TANC1: variants seen among roughly 807,000 people sequenced by gnomAD.
TANC1 encodes the protein tetratricopeptide repeat, ankyrin repeat and coiled-coil containing 1.
In TANC1, 77 loss-of-function variants were observed where a neutral mutation model predicts 149.7. That is an observed-to-expected ratio of 0.51 (90% CI 0.43 to 0.62). TANC1 has a LOEUF of 0.62. Ranked by LOEUF, TANC1 falls within the 20% of genes least tolerant of loss-of-function variation. The pLI, the probability that TANC1 is intolerant of heterozygous loss-of-function variation, is 0.00. For missense variants in TANC1, 1,985 were observed against 2,321.8 expected (o/e 0.85, Z 2.98); for synonymous variants, 854 against 925.0 (o/e 0.92, Z 1.39).
intron 5 of TANC1, among the ~76,000 whole-genome samples, chr2:159,144,593 C>T (rs1389231792): frequency 6.6e-6 from 1 of 152,042 alleles, no homozygotes; most frequent in Non-Finnish European, 1.5e-5. Flanking sequence ...GGCCAGGCTG[C>T]TCTCGAACTC....
At chr2:159,128,413 A>G (rs1232358740) in intron 4 of TANC1, among the ~76,000 whole-genome samples, 1 of 152,198 alleles carries the variant, frequency 6.6e-6, no homozygotes, top group African/African-American at 2.4e-5. Context: ...AGCTGTCAGC[A>G]GTTTAGTTAC....
At chr2:159,002,570 C>G (rs1343717284) in intron 2 of TANC1, among the ~76,000 whole-genome samples, 2 of 152,118 alleles carry the variant, frequency 1.3e-5, no homozygotes, top group Admixed American at 6.6e-5. Flanking sequence ...GAGGTTGTAA[C>G]CTGTAACTTC....
chr2:159,216,524 A>G (rs4665041), intron 19 of TANC1, among the ~76,000 whole-genome samples: 41,676 of 152,036 alleles, frequency 0.27, 7,111 homozygotes, highest in Admixed American at 0.47. Flanking sequence ...TCTCTAGACA[A>G]TGATTCTTGC....
chr2:159,217,355 C>A, intron 19 of TANC1, 142 bp from the exon 20 acceptor site: 1 of 1,040,982 alleles, frequency 9.6e-7, no homozygotes, highest in Non-Finnish European at 1.4e-6. Context: ...TTGGTCAAAG[C>A]TGTCACAGAG....
At chr2:158,988,770 C>T (rs896612149) in intron 1 of TANC1, among the ~76,000 whole-genome samples, 20 of 152,144 alleles carry the variant, frequency 1.3e-4, no homozygotes, top group African/African-American at 3.6e-4. Context: ...ATTCTTTCTT[C>T]CTACCTCATG....
intron 13 of TANC1, 130 bp downstream of exon 13, chr2:159,176,648 C>A: frequency 1.3e-6 from 1 of 753,190 alleles, no homozygotes; most frequent in Non-Finnish European, 2.1e-6. Flanking sequence ...ATTTGAAAAA[C>A]TAGTCCAGAG....
At chr2:159,129,404 A>G (rs1457396426) in intron 4 of TANC1, among the ~76,000 whole-genome samples, 2 of 152,108 alleles carry the variant, frequency 1.3e-5, no homozygotes, top group Non-Finnish European at 2.9e-5. Context: ...GGGAAAGTCT[A>G]TTTGGAGATT....
In TANC1 at chr2:159,127,506, G is replaced by A. The variant is rs372553037; in HGVS notation, c.260-8688G>A. On this transcript the variant is annotated intron_variant, in intron 4 of 26. Coordinates refer to ENST00000263635, the MANE Select transcript of TANC1 (RefSeq NM_033394.3). The stretch of plus-strand genomic sequence containing the variant: ...AATCTTTCTGTAAAGACGTGCACAC[G>A]TATGTTTATTGTGGCACTATTCACA... Among the ~76,000 whole-genome samples the A allele has an allele frequency of 3.9e-5, 6 of 152,314 alleles. No homozygotes were observed. The South Asian group carries it at 8.3e-4, about 21-fold the overall frequency.
At chr2:159,195,853 G>T (rs2150711742) in intron 17 of TANC1, among the ~76,000 whole-genome samples, 1 of 152,338 alleles carries the variant, frequency 6.6e-6, no homozygotes, top group East Asian at 1.9e-4. Flanking sequence ...CAAAGCCTCT[G>T]AATGAGGGTA....
At chr2:159,228,930 T>A in intron 26 of TANC1, 34 bp downstream of exon 26, 1 of 1,564,470 alleles carries the variant, frequency 6.4e-7, no homozygotes, top group Non-Finnish European at 8.8e-7. Flanking sequence ...GTCTAGAGCT[T>A]TTTTTCTTGT....
rs140599483 is a variant in TANC1 at position 159,205,504 on chromosome 2, T to A, written c.3244+6451T>A. ...CCCATACAATACTGTGTCTTTATTT[T>A]TTCTATGTTGCTACTTTTTCTATGT... On this transcript the variant is annotated intron_variant, in intron 19 of 26. Coordinates refer to ENST00000263635, the MANE Select transcript of TANC1 (RefSeq NM_033394.3). Among the ~76,000 whole-genome samples the A allele has an allele frequency of 3.6e-3, 555 of 152,350 alleles. 3 individuals are homozygous for A. Among genetic ancestry groups the A allele is most frequent in the African/African-American group, 0.012 (499 of 41,580 alleles).
chr2:158,976,000 A>T (rs1487709008), intron 1 of TANC1, among the ~76,000 whole-genome samples: 2 of 150,020 alleles, frequency 1.3e-5, no homozygotes, highest in Non-Finnish European at 3.0e-5. Flanking sequence ...CACCTGGCTA[A>T]TTTTTGTATT....
At chr2:159,005,645 AAAAT>A (rs1559123049) in intron 2 of TANC1, among the ~76,000 whole-genome samples, 1 of 151,882 alleles carries the variant, frequency 6.6e-6, no homozygotes, top group Non-Finnish European at 1.5e-5. Context: ...CATTTTATTA[AAAAT>A]AAATATAATT....
intron 4 of TANC1, among the ~76,000 whole-genome samples, chr2:159,116,985 C>T (rs1038880133): frequency 1.3e-5 from 2 of 152,276 alleles, no homozygotes; most frequent in South Asian, 2.1e-4. Context: ...CATTGCCACC[C>T]GGAATAGTGG....
intron 4 of TANC1, among the ~76,000 whole-genome samples, chr2:159,111,819 A>G (rs902023049): frequency 2.0e-5 from 3 of 152,190 alleles, no homozygotes; most frequent in Non-Finnish European, 4.4e-5. Flanking sequence ...GGAGGCTTCT[A>G]TCTTGGGCTG....
chr2:158,994,661 C>T (rs1022499580), intron 1 of TANC1, among the ~76,000 whole-genome samples: 1 of 152,280 alleles, frequency 6.6e-6, no homozygotes. Context: ...AATTTGAGAT[C>T]TTCATGTTGC....
intron 13 of TANC1, among the ~76,000 whole-genome samples, chr2:159,177,049 A>G (rs1225558293): frequency 6.6e-6 from 1 of 151,164 alleles, no homozygotes; most frequent in Admixed American, 6.6e-5. Flanking sequence ...AGCTGGGATT[A>G]CAGGCATCTG....
chr2:159,152,703 C>G (rs891680317), intron 7 of TANC1, among the ~76,000 whole-genome samples: 5 of 152,152 alleles, frequency 3.3e-5, no homozygotes, highest in Non-Finnish European at 7.3e-5. Flanking sequence ...AGGCTGGTCT[C>G]AAATTTGTGG....
At chr2:158,976,982 A>G (rs2033755923) in intron 1 of TANC1, among the ~76,000 whole-genome samples, 1 of 152,170 alleles carries the variant, frequency 6.6e-6, no homozygotes, top group Non-Finnish European at 1.5e-5. Context: ...AAAGTTTTAA[A>G]TGTTGTATAA....
Sources: allele counts gnomAD v4.1 joint callset (sites outside exome capture counted in the v4.1 genomes callset), GRCh38; gene constraint gnomAD v4.1.1; transcripts MANE v1.5; gene names NCBI Gene and HGNC (gene_info 2026-07-23, HGNC 2026-07-21).